PIEZO2: variants seen among roughly 807,000 people sequenced by gnomAD.
The protein encoded by PIEZO2 is piezo-type mechanosensitive ion channel component 2.
In PIEZO2, 172 loss-of-function variants were observed where a neutral mutation model predicts 337.3. The observed-to-expected ratio is 0.51, with a 90% CI of 0.45 to 0.58. PIEZO2 has a LOEUF of 0.58. Among genes scored for constraint, PIEZO2 ranks in the 20% least tolerant of loss-of-function variants. The pLI is 0.00. For synonymous variants in PIEZO2, 1,251 were observed against 1,228.5 expected (o/e 1.02, Z -0.38); for missense variants, 3,028 against 3,391.3 (o/e 0.89, Z 2.66).
rs983725810 is a variant in PIEZO2, at chr18:11,032,030, C to T, written c.160+34097G>A. Among the ~76,000 whole-genome samples, 4 of 152,058 alleles carry T rather than the reference C, an allele frequency of 2.6e-5. No homozygotes were observed. The highest frequency in any genetic ancestry group is 1.3e-4 in the Admixed American group (2 of 15,260). On this transcript the variant is annotated intron_variant, in intron 2 of 55. Coordinates refer to ENST00000674853, the MANE Select transcript of PIEZO2 (RefSeq NM_001378183.1). This position sits in a 1 kb window ranked among gnomAD's most constrained non-coding sequence, Gnocchi z 4.9. ...AGATATTTACTGCTGATTCCAATGA[C>T]GATGGCAATAAAGTAATGATGACAA... is the stretch of plus-strand genomic sequence containing the variant.
rs1025827606 is a variant in PIEZO2, at chr18:10,728,771, T to C, written c.5029+2636A>G. ...AAGATCGAGACCATCCTGGCTAACA[T>C]GGTGAAACCTCGTCTCTACTAAAAG... is the stretch of plus-strand genomic sequence containing the variant. On this transcript the variant is annotated intron_variant, in intron 36 of 55. Coordinates refer to ENST00000674853, the MANE Select transcript of PIEZO2 (RefSeq NM_001378183.1). Among the ~76,000 whole-genome samples the C allele has an allele frequency of 5.3e-5, 8 of 151,602 alleles. No individual in the cohort carries two copies. In the East Asian group the frequency reaches 7.8e-4, roughly 15 times the overall value.
chr18:11,086,529 A>G (rs3975416), intron 1 of PIEZO2, among the ~76,000 whole-genome samples: 25,910 of 151,688 alleles, frequency 0.17, 2,505 homozygotes, highest in African/African-American at 0.25. Flanking sequence ...AAAAAAAAAA[A>G]AAGGTTCTTT....
At chr18:10,692,308 A>C (rs2034882922) in intron 47 of PIEZO2, among the ~76,000 whole-genome samples, 2 of 152,252 alleles carry the variant, frequency 1.3e-5, no homozygotes, top group African/African-American at 4.8e-5. Context: ...GATTTTAAAA[A>C]GGAAATAAAA....
In PIEZO2 at chr18:11,007,580, TGAAAGTCTTAA is replaced by T. The variant is rs1239891661; in HGVS notation, c.161-27931_161-27921del. Among the ~76,000 whole-genome samples the T allele has an allele frequency of 1.1e-4, 16 of 152,248 alleles. No homozygotes were observed. The South Asian group carries it at 2.5e-3, about 24-fold the overall frequency. ...CGTAGATGCAGTATAGTCAAATTAC[TGAAAGTCTTAA>T]GATGGAGAGAAAATTTTTAAAGAAG... On this transcript the variant is annotated intron_variant, in intron 2 of 55. Transcript: ENST00000674853.
chr18:11,115,033 T>A (rs1481597661), intron 1 of PIEZO2, among the ~76,000 whole-genome samples: 1 of 152,252 alleles, frequency 6.6e-6, no homozygotes, highest in African/African-American at 2.4e-5. Flanking sequence ...TCTTCTTTTA[T>A]CCTGTCTCTC....
intron 1 of PIEZO2, among the ~76,000 whole-genome samples, chr18:11,067,410 G>A (rs1262925919): frequency 1.3e-5 from 2 of 152,140 alleles, no homozygotes; most frequent in African/African-American, 4.8e-5. Context: ...TATCTTGAAT[G>A]TAAATGGATT....
At chr18:11,025,305 A>G (rs949006938) in intron 2 of PIEZO2, among the ~76,000 whole-genome samples, 2 of 152,142 alleles carry the variant, frequency 1.3e-5, no homozygotes, top group Admixed American at 1.3e-4. Flanking sequence ...GTTTCTTGTT[A>G]TTTTTGATCC....
intron 1 of PIEZO2, among the ~76,000 whole-genome samples, chr18:11,121,914 T>A (rs1430462726): frequency 1.3e-5 from 2 of 152,192 alleles, no homozygotes; most frequent in African/African-American, 4.8e-5. Flanking sequence ...ATAAGCTTCA[T>A]TATAAAAATC....
chr18:10,804,706 C>T (rs938476825), intron 8 of PIEZO2, among the ~76,000 whole-genome samples: 18 of 152,208 alleles, frequency 1.2e-4, no homozygotes, highest in African/African-American at 3.9e-4. Flanking sequence ...CCACATATTA[C>T]ACTGAAGTCT....
chr18:10,925,637 T>G (rs779671826), intron 3 of PIEZO2, among the ~76,000 whole-genome samples: 3 of 152,200 alleles, frequency 2.0e-5, no homozygotes, highest in Non-Finnish European at 4.4e-5. Flanking sequence ...TGGAGTGCAG[T>G]GGCTCAATCT....
In PIEZO2 at chr18:10,775,919, G is replaced by A. The variant is rs201090887; in HGVS notation, c.2535-1881C>T. On this transcript the variant is annotated intron_variant, in intron 18 of 55. Coordinates refer to ENST00000674853, the MANE Select transcript of PIEZO2 (RefSeq NM_001378183.1). The surrounding 1 kb of genome is among the most constrained non-coding windows in gnomAD (Gnocchi z 4.3). ...GAGCTTGTAATGGATGACAAAAAAA[G>A]AAAAAAAAAAAGAAATTATGTATCA... Among the ~76,000 whole-genome samples the A allele has an allele frequency of 5.3e-5, 8 of 150,120 alleles. No individual in the cohort carries two copies. Among genetic ancestry groups the A allele is most frequent in the Non-Finnish European group, 5.9e-5 (4 of 67,496 alleles).
chr18:11,095,497 G>A (rs998214548), intron 1 of PIEZO2, among the ~76,000 whole-genome samples: 9 of 152,160 alleles, frequency 5.9e-5, no homozygotes, highest in Non-Finnish European at 8.8e-5. Context: ...CATTGGCTCT[G>A]CCCCCACTGC....
At position 11,078,077 on chromosome 18, in the gene PIEZO2, A is replaced by G. The variant is rs2038611167; in HGVS notation, c.65-11855T>C. 6.6e-6 allele frequency among the ~76,000 whole-genome samples: 1 copy of G among 150,692 alleles called. No homozygotes were observed. Among genetic ancestry groups the G allele is most frequent in the African/African-American group, 2.5e-5 (1 of 40,722 alleles). On this transcript the variant is annotated intron_variant, in intron 1 of 55. Transcript: ENST00000674853. This position sits in a 1 kb window ranked among gnomAD's most constrained non-coding sequence, Gnocchi z 5.3. Reference sequence around the variant, plus strand: ...ACACACACACACACACCACACACACAAAAACAAACATACACACACACAAAC... The same window carrying G: ...ACACACACACACACACCACACACACGAAAACAAACATACACACACACAAAC...
intron 2 of PIEZO2, among the ~76,000 whole-genome samples, chr18:11,030,772 G>A (rs771580537): frequency 5.3e-5 from 8 of 152,030 alleles, no homozygotes; most frequent in Non-Finnish European, 1.0e-4. Flanking sequence ...TCATTGAGAC[G>A]GCAAAGTGCA....
Position 10,718,248 on chromosome 18 carries a change from A to G in PIEZO2, c.5041T>C (p.Trp1681Arg), listed in dbSNP as rs544739855. 17 of 1,536,956 alleles carry G rather than the reference A, an allele frequency of 1.1e-5. No homozygotes were observed. In the Admixed American group the frequency reaches 1.4e-4, roughly 12 times the overall value. The change falls in exon 37 of 56, where the codon TGG becomes CGG. Residue 1681 changes from tryptophan to arginine, a missense_variant. Around this residue, in one of 5 missense-constraint regions of PIEZO2, gnomAD observed 1,925 missense variants for 2,051.9 expected, o/e 0.94. Transcript: ENST00000674853. ...RKGSKEGPVEWEDREDEPIKK... is the reference protein window; with the variant it reads ...RKGSKEGPVEREDREDEPIKK... ...ATTGGTTCATCCTCCCGGTCTTCCCATTCCACAGGACCTGCCAAGTGTGTT... is the reference window on the plus strand; with the variant it reads ...ATTGGTTCATCCTCCCGGTCTTCCCGTTCCACAGGACCTGCCAAGTGTGTT...
intron 7 of PIEZO2, among the ~76,000 whole-genome samples, chr18:10,811,825 T>C (rs568328707): frequency 6.6e-6 from 1 of 152,336 alleles, no homozygotes; most frequent in Admixed American, 6.5e-5. Context: ...CACTAGTTGT[T>C]GTTGTTTTTT....
At chr18:10,695,962 C>T in intron 47 of PIEZO2, 112 bp downstream of exon 47, 1 of 1,071,320 alleles carries the variant, frequency 9.3e-7, no homozygotes, top group Admixed American at 1.8e-5. Flanking sequence ...TGCTGCTGTG[C>T]CAAGGCTCTG....
chr18:11,096,378 G>A lies in PIEZO2; in HGVS notation c.65-30156C>T, dbSNP rs1307410464. On this transcript the variant is annotated intron_variant, in intron 1 of 55. Coordinates refer to ENST00000674853, the MANE Select transcript of PIEZO2 (RefSeq NM_001378183.1). The surrounding 1 kb of genome is among the most constrained non-coding windows in gnomAD (Gnocchi z 4.6). Reference sequence around the variant, plus strand: ...TGCTGAATCTTGTCCAAAGGCATCAGGCTTACAAAGGTGGACATCAGAGCA... The same window carrying A: ...TGCTGAATCTTGTCCAAAGGCATCAAGCTTACAAAGGTGGACATCAGAGCA... Among the ~76,000 whole-genome samples the A allele has an allele frequency of 8.5e-5, 13 of 152,354 alleles. No individual in the cohort carries two copies. The South Asian group carries it at 1.2e-3, about 15-fold the overall frequency.
intron 2 of PIEZO2, among the ~76,000 whole-genome samples, chr18:11,008,431 G>T: frequency 6.6e-6 from 1 of 152,108 alleles, no homozygotes; most frequent in Admixed American, 6.5e-5. Context: ...CCCTCAGGAC[G>T]ACCTAACTTC....
Sources: allele counts gnomAD v4.1 joint callset (sites outside exome capture counted in the v4.1 genomes callset), GRCh38; gene constraint gnomAD v4.1.1; regional missense constraint gnomAD v4.1.1; non-coding constraint Gnocchi (gnomAD v3.1); transcripts MANE v1.5; gene names NCBI Gene and HGNC (gene_info 2026-07-23, HGNC 2026-07-21).